The following NCK2 variants were observed in gnomAD, a reference collection of about 807,000 sequenced individuals.
NCK2 encodes NCK adaptor protein 2.
NCK2 carries 16 observed loss-of-function variants against 33.9 expected under a neutral mutation model. The observed-to-expected ratio is 0.47, with a 90% CI of 0.32 to 0.72. NCK2 has a LOEUF of 0.72. NCK2 is among the 30% of genes least tolerant of loss of function. NCK2 has a pLI of 0.03. For missense variants in NCK2, 418 were observed against 537.3 expected (o/e 0.78, Z 2.19); for synonymous variants, 273 against 239.9 (o/e 1.14, Z -1.27).
At chr2:105,759,473 A>ATTACACAT (rs1553450455) in intron 1 of NCK2, among the ~76,000 whole-genome samples, 1 of 1,098 alleles carries the variant, frequency 9.1e-4, no homozygotes, top group Non-Finnish European at 1.6e-3. Flanking sequence ...TTTATATAAT[A>ATTACACAT]AAACATATGG....
At chr2:105,806,362 C>T (rs1164096084) in intron 1 of NCK2, among the ~76,000 whole-genome samples, 10 of 151,928 alleles carry the variant, frequency 6.6e-5, no homozygotes, top group African/African-American at 2.2e-4. Context: ...CTCAGCCTCC[C>T]GAGTAGCTGG....
At chr2:105,787,718 C>A (rs1169049295) in intron 1 of NCK2, among the ~76,000 whole-genome samples, 1 of 152,164 alleles carries the variant, frequency 6.6e-6, no homozygotes, top group Non-Finnish European at 1.5e-5. Flanking sequence ...ACTGCACCTT[C>A]CCCATAGGAG....
intron 1 of NCK2, among the ~76,000 whole-genome samples, chr2:105,756,362 C>T (rs1327638976): frequency 6.6e-6 from 1 of 152,154 alleles, no homozygotes; most frequent in Admixed American, 6.5e-5. Context: ...TTCAGTCATC[C>T]TATCTCATAT....
chr2:105,819,872 A>G, intron 2 of NCK2, among the ~76,000 whole-genome samples: 1 of 152,086 alleles, frequency 6.6e-6, no homozygotes, highest in East Asian at 1.9e-4. Flanking sequence ...TGAACACCCC[A>G]CCTGTATTTT....
Position 105,799,411 on chromosome 2 carries a change from C to T in NCK2, c.-200-17019C>T, listed in dbSNP as rs113651650. On this transcript the variant is annotated intron_variant, in intron 1 of 4. Transcript: ENST00000233154. ...GTGAGATGTGGCTCCAGCTTTCTTT[C>T]AGATGGCCAACCAGAGTACCCCATG... Among the ~76,000 whole-genome samples, 1,320 of 152,222 alleles carry T rather than the reference C, an allele frequency of 8.7e-3. 14 individuals are homozygous for T. Among genetic ancestry groups the T allele is most frequent in the Middle Eastern group, 0.02 (6 of 294 alleles).
chr2:105,764,535 C>T (rs1229134941), intron 1 of NCK2, among the ~76,000 whole-genome samples: 2 of 152,210 alleles, frequency 1.3e-5, no homozygotes, highest in Non-Finnish European at 2.9e-5. Context: ...ATACTGGTCA[C>T]TTGGCTCTGG....
intron 1 of NCK2, among the ~76,000 whole-genome samples, chr2:105,764,972 A>G (rs1689892522): frequency 1.3e-5 from 2 of 152,022 alleles, no homozygotes; most frequent in African/African-American, 2.4e-5. Flanking sequence ...TCCTGTAGAC[A>G]AGGTGCCTGT....
At chr2:105,759,895 G>A (rs1349208919) in intron 1 of NCK2, among the ~76,000 whole-genome samples, 1 of 152,108 alleles carries the variant, frequency 6.6e-6, no homozygotes, top group Non-Finnish European at 1.5e-5. Context: ...TTACCGGTTT[G>A]GGGAGGAAGG....
rs188305622 is a variant in NCK2 at position 105,816,576 on chromosome 2, C to G, written c.-54C>G. The stretch of plus-strand genomic sequence containing the variant: ...GAAAACATCATCGTTTTGAAGAGTT[C>G]TGCGTTTTGCCAGTCACCTCTCAAC... On this transcript the variant is annotated 5_prime_UTR_variant, in exon 2 of 5. Coordinates refer to ENST00000233154, the MANE Select transcript of NCK2 (RefSeq NM_003581.5). 1 of 152,332 alleles carries G rather than the reference C, an allele frequency of 6.6e-6. No individual in the cohort carries two copies. The highest frequency in any genetic ancestry group is 6.5e-5 in the Admixed American group (1 of 15,300). 9.4% of individuals were successfully genotyped at this position (152,332 alleles called of 1,614,324 possible).
intron 2 of NCK2, among the ~76,000 whole-genome samples, chr2:105,842,146 C>T (rs762887511): frequency 4.6e-5 from 7 of 151,540 alleles, no homozygotes; most frequent in Admixed American, 1.3e-4. Context: ...AGTGCAATGG[C>T]GCGACCTCGG....
intron 1 of NCK2, among the ~76,000 whole-genome samples, chr2:105,760,918 CT>C: frequency 6.6e-6 from 1 of 152,278 alleles, no homozygotes; most frequent in Non-Finnish European, 1.5e-5. Flanking sequence ...TGGGACACCC[CT>C]AGCTCTTGGG....
At chr2:105,885,575 A>G (rs1335235197) in intron 4 of NCK2, among the ~76,000 whole-genome samples, 2 of 152,128 alleles carry the variant, frequency 1.3e-5, no homozygotes, top group African/African-American at 4.8e-5. Flanking sequence ...GAAGCTTGTT[A>G]AAACAAATTG....
At chr2:105,859,090 T>C (rs1222809549) in intron 3 of NCK2, among the ~76,000 whole-genome samples, 1 of 152,190 alleles carries the variant, frequency 6.6e-6, no homozygotes, top group Admixed American at 6.5e-5. Flanking sequence ...CTTAGAAAAT[T>C]GTGCAGGCGA....
intron 2 of NCK2, among the ~76,000 whole-genome samples, chr2:105,845,448 G>A (rs1001882884): frequency 3.3e-5 from 5 of 150,490 alleles, no homozygotes; most frequent in African/African-American, 1.2e-4. Flanking sequence ...AGGTTGGAGT[G>A]CAGTGACTGA....
intron 3 of NCK2, among the ~76,000 whole-genome samples, chr2:105,861,933 CTCCT>C (rs1475742573): frequency 9.6e-6 from 1 of 104,554 alleles, no homozygotes; most frequent in Non-Finnish European, 2.1e-5. Flanking sequence ...CCCTCCCTCC[CTCCT>C]GCCCGCTCCC....
chr2:105,871,534 C>T (rs375848411), intron 3 of NCK2, among the ~76,000 whole-genome samples: 1 of 151,682 alleles, frequency 6.6e-6, no homozygotes, highest in Non-Finnish European at 1.5e-5. Flanking sequence ...CTCCCTCTGT[C>T]GCCCAGGCTG....
chr2:105,794,502 T>G (rs1233036558), intron 1 of NCK2, among the ~76,000 whole-genome samples: 2 of 152,084 alleles, frequency 1.3e-5, no homozygotes, highest in African/African-American at 4.8e-5. Context: ...GCAAACCATA[T>G]AAGTACTGAA....
intron 2 of NCK2, among the ~76,000 whole-genome samples, chr2:105,818,193 CTG>C: frequency 1.4e-5 from 2 of 145,866 alleles, no homozygotes; most frequent in Non-Finnish European, 3.0e-5. Context: ...AAACCAAACA[CTG>C]CATGTTCTAA....
chr2:105,863,103 T>C (rs1028489543), intron 3 of NCK2, among the ~76,000 whole-genome samples: 1 of 152,232 alleles, frequency 6.6e-6, no homozygotes, highest in African/African-American at 2.4e-5. Context: ...CATATCTATA[T>C]CCCCAGCATG....
Sources: allele counts gnomAD v4.1 joint callset (sites outside exome capture counted in the v4.1 genomes callset), GRCh38; gene constraint gnomAD v4.1.1; transcripts MANE v1.5; gene names NCBI Gene and HGNC (gene_info 2026-07-23, HGNC 2026-07-21).